Variants in TASP1 observed in about 807,000 individuals in gnomAD.
TASP1 encodes the protein threonine aspartase 1.
Under a neutral mutation model 56.6 loss-of-function variants are expected in TASP1, and 16 were observed. The ratio of observed to expected loss-of-function variants is 0.28; its 90% CI spans 0.19 to 0.43. The LOEUF is 0.43. TASP1 is among the 20% of genes least tolerant of loss of function. The pLI is 1.00. For missense variants in TASP1, 393 were observed against 511.6 expected, an observed-to-expected ratio of 0.77 and a Z score of 2.24; for synonymous variants, 179 against 184.2, an observed-to-expected ratio of 0.97 and a Z score of 0.23.
At chr20:13,469,504 G>C (rs1426472407) in intron 11 of TASP1, among the ~76,000 whole-genome samples, 1 of 152,076 alleles carries the variant, frequency 6.6e-6, no homozygotes, top group Non-Finnish European at 1.5e-5. Flanking sequence ...GATCAATACT[G>C]TTAGTAATTT....
chr20:13,293,538 A>G, the TASP1 span, among the ~76,000 whole-genome samples: 2 of 151,930 alleles, frequency 1.3e-5, no homozygotes, highest in Non-Finnish European at 2.9e-5. Flanking sequence ...TTTGGGAGCT[A>G]ATTTGGTGAA....
chr20:13,614,851 T>C (rs1311343411), intron 4 of TASP1: 1 of 469,370 alleles, frequency 2.1e-6, no homozygotes, highest in East Asian at 7.0e-5. Context: ...GCACACACAG[T>C]ACCTGAAATT....
Position 13,454,549 on chromosome 20 carries a change from G to A in TASP1, c.986-19395C>T, listed in dbSNP as rs566681998. Among the ~76,000 whole-genome samples the A allele has an allele frequency of 2.8e-4, 42 of 152,262 alleles. 3 individuals carry two copies. The highest frequency in any genetic ancestry group is 8.2e-4 in the African/African-American group (34 of 41,566). Reference sequence around the variant, plus strand: ...GAGGACTGAAGCCAGGTGCTCTACCGAAGAGAGAATGTGAGTTACTGCTCC... The same window carrying A: ...GAGGACTGAAGCCAGGTGCTCTACCAAAGAGAGAATGTGAGTTACTGCTCC... On this transcript the variant is annotated intron_variant, in intron 11 of 13. Coordinates refer to ENST00000337743, the MANE Select transcript of TASP1 (RefSeq NM_017714.3).
intron 11 of TASP1, among the ~76,000 whole-genome samples, chr20:13,450,095 T>C (rs1206048511): frequency 6.6e-6 from 1 of 152,124 alleles, no homozygotes; most frequent in African/African-American, 2.4e-5. Flanking sequence ...ATGAAAGTTA[T>C]GTTTACACTA....
chr20:13,445,290 A>G (rs2043366532), intron 11 of TASP1, among the ~76,000 whole-genome samples: 1 of 152,200 alleles, frequency 6.6e-6, no homozygotes, highest in African/African-American at 2.4e-5. Flanking sequence ...CTAATACTGT[A>G]CTAGAAATGA....
At chr20:13,601,963 G>A (rs1233155337) in intron 4 of TASP1, among the ~76,000 whole-genome samples, 3 of 129,284 alleles carry the variant, frequency 2.3e-5, no homozygotes, top group Non-Finnish European at 4.7e-5. Flanking sequence ...TGCAAGCTCC[G>A]CCTCCTGGGT....
intron 11 of TASP1, among the ~76,000 whole-genome samples, chr20:13,482,220 A>G (rs1191052099): frequency 1.3e-5 from 2 of 152,098 alleles, no homozygotes. Context: ...ACGTGAGTTC[A>G]TTGTAGGTGT....
At chr20:13,502,655 T>A (rs1472537839) in intron 10 of TASP1, among the ~76,000 whole-genome samples, 1 of 141,916 alleles carries the variant, frequency 7.0e-6, no homozygotes, top group Non-Finnish European at 1.5e-5. Context: ...AACAGTATTA[T>A]TAATCAGAGA....
At chr20:13,404,976 T>G (rs6105088) in intron 13 of TASP1, among the ~76,000 whole-genome samples, 15,835 of 152,154 alleles carry the variant, frequency 0.1, 1,640 homozygotes, top group African/African-American at 0.27. Flanking sequence ...ATTTTTATCT[T>G]TAAGAGCCAG....
chr20:13,338,926 T>C, the TASP1 span, among the ~76,000 whole-genome samples: 5 of 152,060 alleles, frequency 3.3e-5, no homozygotes, highest in East Asian at 7.7e-4. Context: ...CAAACACACA[T>C]GCACACACAA....
chr20:13,367,229 G>A, the TASP1 span, among the ~76,000 whole-genome samples: 2 of 152,308 alleles, frequency 1.3e-5, no homozygotes, highest in Admixed American at 6.5e-5. Flanking sequence ...CACCAGGGTA[G>A]GTCAAACCCT....
At chr20:13,579,395 G>A (rs1364304244) in intron 6 of TASP1, among the ~76,000 whole-genome samples, 4 of 150,872 alleles carry the variant, frequency 2.7e-5, no homozygotes, top group African/African-American at 9.8e-5. Flanking sequence ...TTGAGACGGA[G>A]TCTCGCTCTG....
At chr20:13,147,928 T>G in the TASP1 span, among the ~76,000 whole-genome samples, 43,602 of 152,166 alleles carry the variant, frequency 0.29, 6,373 homozygotes, top group South Asian at 0.46. Flanking sequence ...AAAACGAGAT[T>G]GCAAAGTCTG....
At chr20:13,115,414 C>T in the TASP1 span, among the ~76,000 whole-genome samples, 1 of 152,134 alleles carries the variant, frequency 6.6e-6, no homozygotes, top group African/African-American at 2.4e-5. Flanking sequence ...TCAGCTAGAC[C>T]AGCCCCATGG....
At chr20:13,604,780 T>C (rs1466057403) in intron 4 of TASP1, among the ~76,000 whole-genome samples, 2 of 152,092 alleles carry the variant, frequency 1.3e-5, no homozygotes, top group Non-Finnish European at 2.9e-5. Flanking sequence ...AAACTAAGTA[T>C]TGGCAAAACT....
At chr20:13,572,707 T>TAAAAAAA (rs2046763007) in intron 6 of TASP1, among the ~76,000 whole-genome samples, 1 of 92,180 alleles carries the variant, frequency 1.1e-5, no homozygotes, top group Non-Finnish European at 2.4e-5. Context: ...AAAAAAAAAC[T>TAAAAAAA]CTCAAGAACT....
At chr20:13,541,930 AGCTACTCGGGAG>A (rs1420302157) in intron 8 of TASP1, among the ~76,000 whole-genome samples, 1 of 151,836 alleles carries the variant, frequency 6.6e-6, no homozygotes, top group Non-Finnish European at 1.5e-5. Flanking sequence ...CCATAGTCCC[AGCTACTCGGGAG>A]GCTGAGGCAG....
chr20:13,552,690 G>C (rs1038352786), intron 8 of TASP1, among the ~76,000 whole-genome samples: 5 of 152,112 alleles, frequency 3.3e-5, no homozygotes, highest in African/African-American at 1.2e-4. Context: ...TCCAAAATTA[G>C]AAAGGAGTAT....
chr20:13,495,797 G>A (rs142260146), intron 10 of TASP1, among the ~76,000 whole-genome samples: 269 of 152,210 alleles, frequency 1.8e-3, no homozygotes, highest in African/African-American at 6.2e-3. Flanking sequence ...TAGCCAGCAA[G>A]TTAACTTACA....
Sources: gnomAD v4.1 joint callset for allele counts (sites outside exome capture counted in the v4.1 genomes callset) on GRCh38, gnomAD v4.1.1 for gene constraint, MANE v1.5 for transcripts, NCBI Gene and HGNC (gene_info 2026-07-23, HGNC 2026-07-21) for gene names.